TASP1: variants seen among roughly 807,000 people sequenced by gnomAD.
TASP1 encodes taspase 1, also known as threonine aspartase 1.
Under a neutral mutation model 56.6 loss-of-function variants are expected in TASP1, and 16 were observed. The observed-to-expected ratio is 0.28, with a 90% CI of 0.19 to 0.43. The LOEUF (loss-of-function observed/expected upper bound fraction) is 0.43. Among genes scored for constraint, TASP1 ranks in the 20% least tolerant of loss-of-function variants. The pLI, the probability that TASP1 is intolerant of heterozygous loss-of-function variation, is 1.00. For missense variants in TASP1, 393 were observed against 511.6 expected (o/e 0.77, Z 2.24); for synonymous variants, 179 against 184.2 (o/e 0.97, Z 0.23).
the TASP1 span, among the ~76,000 whole-genome samples, chr20:13,214,885 G>C: frequency 1.3e-5 from 2 of 152,136 alleles, no homozygotes; most frequent in Non-Finnish European, 2.9e-5. Flanking sequence ...AGAGGATGGC[G>C]CAAGGAGCCA....
At chr20:13,108,734 C>T in the TASP1 span, among the ~76,000 whole-genome samples, 1 of 152,122 alleles carries the variant, frequency 6.6e-6, no homozygotes, top group African/African-American at 2.4e-5. Context: ...ACCACCATAC[C>T]CACTTAATTT....
At chr20:13,212,093 C>G in the TASP1 span, among the ~76,000 whole-genome samples, 1 of 152,124 alleles carries the variant, frequency 6.6e-6, no homozygotes, top group African/African-American at 2.4e-5. Context: ...TACCCATTTC[C>G]TTTGCCTCCT....
chr20:13,412,673 T>C (rs1209732755), intron 13 of TASP1, among the ~76,000 whole-genome samples: 1 of 152,170 alleles, frequency 6.6e-6, no homozygotes, highest in Non-Finnish European at 1.5e-5. Context: ...CCTTTGTAAA[T>C]ATACATTCAC....
the TASP1 span, among the ~76,000 whole-genome samples, chr20:13,373,583 C>T: frequency 1.3e-5 from 2 of 151,612 alleles, no homozygotes; most frequent in African/African-American, 4.8e-5. Flanking sequence ...TGCTCCATTG[C>T]CTTCTGACAG....
chr20:13,439,307 C>T (rs2043132764), intron 11 of TASP1, among the ~76,000 whole-genome samples: 1 of 152,136 alleles, frequency 6.6e-6, no homozygotes, highest in Admixed American at 6.5e-5. Context: ...ACATATACAC[C>T]ATGGAATACT....
the TASP1 span, among the ~76,000 whole-genome samples, chr20:13,310,117 A>G: frequency 1.3e-5 from 2 of 152,210 alleles, no homozygotes; most frequent in Non-Finnish European, 2.9e-5. Flanking sequence ...AAGCACAAAA[A>G]ATACTAAATA....
the TASP1 span, among the ~76,000 whole-genome samples, chr20:13,141,248 A>G: frequency 1.3e-5 from 2 of 152,224 alleles, no homozygotes; most frequent in African/African-American, 4.8e-5. Flanking sequence ...GGGAGCTGCA[A>G]GCTACACTAT....
At chr20:13,502,585 C>G (rs1568517794) in intron 10 of TASP1, among the ~76,000 whole-genome samples, 1 of 152,098 alleles carries the variant, frequency 6.6e-6, no homozygotes, top group Non-Finnish European at 1.5e-5. Context: ...GAATGATACA[C>G]AAATTTCAAA....
chr20:13,213,232 A>G, the TASP1 span, among the ~76,000 whole-genome samples: 1 of 151,944 alleles, frequency 6.6e-6, no homozygotes, highest in South Asian at 2.1e-4. Context: ...TTTTTTCTTT[A>G]TTTCACTGAG....
chr20:13,121,288 A>G, the TASP1 span, among the ~76,000 whole-genome samples: 1 of 152,184 alleles, frequency 6.6e-6, no homozygotes, highest in Non-Finnish European at 1.5e-5. Context: ...GAACTGGGAC[A>G]GGGCAGACAA....
chr20:13,483,719 A>G (rs1317046446), intron 10 of TASP1, among the ~76,000 whole-genome samples: 2 of 152,204 alleles, frequency 1.3e-5, no homozygotes, highest in South Asian at 2.1e-4. Context: ...AGTTCATAAA[A>G]GTGTGAATTT....
intron 10 of TASP1, among the ~76,000 whole-genome samples, chr20:13,513,156 C>A (rs543783159): frequency 6.6e-6 from 1 of 152,074 alleles, no homozygotes; most frequent in African/African-American, 2.4e-5. Flanking sequence ...CAATGAGGAA[C>A]AAGTCAGTCA....
At chr20:13,592,278 T>C (rs2047562273) in intron 4 of TASP1, among the ~76,000 whole-genome samples, 2 of 151,476 alleles carry the variant, frequency 1.3e-5, no homozygotes, top group Non-Finnish European at 2.9e-5. Context: ...GCACCTGTAA[T>C]CCCAGCTACT....
chr20:13,462,175 C>A (rs941018162), intron 11 of TASP1, among the ~76,000 whole-genome samples: 2 of 152,042 alleles, frequency 1.3e-5, no homozygotes. Context: ...GAAATTAAGT[C>A]TTTGATTAAG....
At chr20:13,152,030 A>G in the TASP1 span, among the ~76,000 whole-genome samples, 3 of 152,282 alleles carry the variant, frequency 2.0e-5, no homozygotes, top group South Asian at 4.1e-4. Context: ...GGCAGAAATG[A>G]GAGTTTTATT....
chr20:13,260,631 A>T, the TASP1 span, among the ~76,000 whole-genome samples: 1 of 151,876 alleles, frequency 6.6e-6, no homozygotes, highest in Non-Finnish European at 1.5e-5. Flanking sequence ...TTAGTGTGAA[A>T]TAATTTCTCC....
Position 13,554,613 on chromosome 20 carries a change from G to A in TASP1, c.675+4395C>T, listed in dbSNP as rs183477212. Among the ~76,000 whole-genome samples the A allele has an allele frequency of 2.7e-3, 409 of 151,732 alleles. 2 individuals carry two copies. Among genetic ancestry groups the A allele is most frequent in the Non-Finnish European group, 4.3e-3 (294 of 67,950 alleles). On this transcript the variant is annotated intron_variant, in intron 8 of 13. Coordinates refer to ENST00000337743, the MANE Select transcript of TASP1 (RefSeq NM_017714.3). The stretch of plus-strand genomic sequence containing the variant: ...ATAACTTGGAAATAGTGCAGGTTTC[G>A]TTCCAGACCACCACAATAGAGCAAA...
chr20:13,390,309 A>G lies in TASP1; in HGVS notation c.*51T>C. On this transcript the variant is annotated 3_prime_UTR_variant, in exon 14 of 14. Coordinates refer to ENST00000337743, the MANE Select transcript of TASP1 (RefSeq NM_017714.3). ...ACCAACTTCAGTTAAAAACCCCCAA[A>G]AGCTCAGGTTCTGAAATGCCTCTGA... 5 of 1,541,552 alleles carry G rather than the reference A, an allele frequency of 3.2e-6. No individual in the cohort carries two copies. Among genetic ancestry groups the G allele is most frequent in the Non-Finnish European group, 4.5e-6 (5 of 1,121,488 alleles).
intron 13 of TASP1, among the ~76,000 whole-genome samples, chr20:13,402,736 T>C (rs2041783278): frequency 6.6e-6 from 1 of 152,212 alleles, no homozygotes; most frequent in Non-Finnish European, 1.5e-5. Flanking sequence ...GTCCAATAAA[T>C]CTATTTAGCT....
Sources: gnomAD v4.1 joint callset for allele counts (sites outside exome capture counted in the v4.1 genomes callset) on GRCh38, gnomAD v4.1.1 for gene constraint, MANE v1.5 for transcripts, NCBI Gene and HGNC (gene_info 2026-07-23, HGNC 2026-07-21) for gene names.